Variants in FHIT observed in about 807,000 individuals in gnomAD.
The protein encoded by FHIT is bis(5'-adenosyl)-triphosphatase.
In FHIT, 19 loss-of-function variants were observed where a neutral mutation model predicts 17.9. The observed-to-expected ratio is 1.06, with a 90% CI of 0.74 to 1.56. The LOEUF is 1.56. Ranked by LOEUF, FHIT falls within the 40% of genes most tolerant of loss-of-function variation. The pLI is 0.00. For missense variants in FHIT, 248 were observed against 189.2 expected (o/e 1.31, Z -1.82); for synonymous variants, 81 against 69.7 (o/e 1.16, Z -0.81).
chr3:60,242,325 ACT>A (rs1705170569), intron 5 of FHIT, among the ~76,000 whole-genome samples: 1 of 151,994 alleles, frequency 6.6e-6, no homozygotes, highest in South Asian at 2.1e-4. Flanking sequence ...TTGGCTTCAA[ACT>A]CTATATATTT....
chr3:60,970,432 A>G (rs1314102360), intron 3 of FHIT, among the ~76,000 whole-genome samples: 1 of 152,130 alleles, frequency 6.6e-6, no homozygotes, highest in African/African-American at 2.4e-5. Flanking sequence ...CTGTTTTTAA[A>G]TAGAAGTATT....
intron 5 of FHIT, among the ~76,000 whole-genome samples, chr3:60,296,209 T>C (rs985943070): frequency 1.3e-5 from 2 of 151,798 alleles, no homozygotes; most frequent in Non-Finnish European, 2.9e-5. Context: ...TGGACTAATA[T>C]AGAGGGGAAG....
intron 5 of FHIT, among the ~76,000 whole-genome samples, chr3:60,400,133 T>C (rs998721994): frequency 1.3e-5 from 2 of 152,156 alleles, no homozygotes; most frequent in African/African-American, 4.8e-5. Context: ...TTTGAGTTAC[T>C]TAAGAGCCAA....
intron 5 of FHIT, among the ~76,000 whole-genome samples, chr3:60,100,590 C>T (rs529828581): frequency 3.3e-5 from 5 of 152,208 alleles, no homozygotes; most frequent in Admixed American, 2.0e-4. Context: ...TGGTTCCAGT[C>T]CCATCATTCC....
intron 3 of FHIT, among the ~76,000 whole-genome samples, chr3:60,869,320 G>GCAT (rs1270060283): frequency 1.3e-5 from 2 of 152,048 alleles, no homozygotes; most frequent in Non-Finnish European, 2.9e-5. Flanking sequence ...AATTGAAGGG[G>GCAT]CATCATTAGA....
At chr3:60,170,069 G>A (rs186738747) in intron 5 of FHIT, among the ~76,000 whole-genome samples, 81 of 152,214 alleles carry the variant, frequency 5.3e-4, no homozygotes, top group Non-Finnish European at 8.1e-4. Flanking sequence ...TGGAGAAGGC[G>A]CCTTCTGGGT....
At chr3:59,875,606 G>GT (rs962027730) in intron 8 of FHIT, among the ~76,000 whole-genome samples, 26 of 151,810 alleles carry the variant, frequency 1.7e-4, no homozygotes, top group South Asian at 4.2e-4. Context: ...TTGCTTACAA[G>GT]TTTTTTTTTA....
intron 4 of FHIT, among the ~76,000 whole-genome samples, chr3:60,762,851 A>T (rs1699705887): frequency 6.6e-6 from 1 of 152,190 alleles, no homozygotes; most frequent in Admixed American, 6.5e-5. Flanking sequence ...TTGAGTGGCA[A>T]TATCAACTGT....
At chr3:60,861,780 G>A (rs1338679816) in intron 3 of FHIT, among the ~76,000 whole-genome samples, 1 of 151,930 alleles carries the variant, frequency 6.6e-6, no homozygotes, top group African/African-American at 2.4e-5. Flanking sequence ...AAAAAACAAA[G>A]TAAGAACCAA....
intron 3 of FHIT, among the ~76,000 whole-genome samples, chr3:60,893,980 C>T (rs980327342): frequency 6.6e-6 from 1 of 152,208 alleles, no homozygotes; most frequent in Non-Finnish European, 1.5e-5. Context: ...GAAAGGTTCA[C>T]TGTTGTCAGA....
intron 5 of FHIT, among the ~76,000 whole-genome samples, chr3:60,369,508 G>C (rs1323515867): frequency 1.3e-5 from 2 of 152,142 alleles, no homozygotes; most frequent in Non-Finnish European, 2.9e-5. Flanking sequence ...ATCCCAAGGT[G>C]TCTGGATTAT....
intron 5 of FHIT, among the ~76,000 whole-genome samples, chr3:60,375,273 A>G (rs903982565): frequency 2.0e-5 from 3 of 152,108 alleles, no homozygotes; most frequent in Admixed American, 2.0e-4. Flanking sequence ...CATTACATCA[A>G]TATTGAAAGT....
intron 7 of FHIT, among the ~76,000 whole-genome samples, chr3:59,994,937 G>C (rs1466730889): frequency 6.6e-6 from 1 of 152,070 alleles, no homozygotes; most frequent in East Asian, 1.9e-4. Context: ...CAGAGTGTTT[G>C]CCTAACAAAT....
At chr3:59,888,967 T>C (rs1339868408) in intron 8 of FHIT, among the ~76,000 whole-genome samples, 1 of 152,198 alleles carries the variant, frequency 6.6e-6, no homozygotes, top group African/African-American at 2.4e-5. Flanking sequence ...GCTGAGCTAG[T>C]GTTTACAAGA....
intron 5 of FHIT, among the ~76,000 whole-genome samples, chr3:60,131,245 G>T (rs780755748): frequency 2.6e-5 from 4 of 151,622 alleles, no homozygotes; most frequent in Non-Finnish European, 4.4e-5. Context: ...ATCATCTCTA[G>T]ATTACTTATA....
intron 5 of FHIT, among the ~76,000 whole-genome samples, chr3:60,287,859 T>G (rs1559791431): frequency 6.6e-6 from 1 of 152,200 alleles, no homozygotes; most frequent in Non-Finnish European, 1.5e-5. Flanking sequence ...ACTACTGATA[T>G]GACCTTGGGA....
intron 7 of FHIT, among the ~76,000 whole-genome samples, chr3:60,009,165 A>ATT (rs1700038705): frequency 3.7e-5 from 2 of 54,100 alleles, no homozygotes; most frequent in African/African-American, 1.0e-4. Flanking sequence ...CTGGGATTTT[A>ATT]TGTGTGTGTG....
intron 2 of FHIT, among the ~76,000 whole-genome samples, chr3:61,179,008 CTTTTTTTTT>C (rs778191387): frequency 7.8e-6 from 1 of 127,626 alleles, no homozygotes; most frequent in African/African-American, 3.1e-5. Flanking sequence ...TTTTCTTTTT[CTTTTTTTTT>C]TTTTTTTTTT....
At chr3:60,606,572 T>C (rs1553671323) in intron 4 of FHIT, among the ~76,000 whole-genome samples, 1 of 152,114 alleles carries the variant, frequency 6.6e-6, no homozygotes, top group African/African-American at 2.4e-5. Flanking sequence ...TTTTAGGGAC[T>C]TTTCTCCTAT....
Sources: allele counts gnomAD v4.1 joint callset (sites outside exome capture counted in the v4.1 genomes callset), GRCh38; gene constraint gnomAD v4.1.1; transcripts MANE v1.5; gene names NCBI Gene and HGNC (gene_info 2026-07-23, HGNC 2026-07-21).